The following ATXN1 variants were observed in gnomAD, a reference collection of about 807,000 sequenced individuals.
The protein encoded by ATXN1 is ataxin 1, also known as ataxin-1.
In ATXN1, 8 loss-of-function variants were observed where a neutral mutation model predicts 56.4. That is an observed-to-expected ratio of 0.14 (90% confidence interval 0.08 to 0.26). ATXN1 has a LOEUF of 0.26. Ranked by LOEUF, ATXN1 falls within the 10% of genes least tolerant of loss-of-function variation. ATXN1 has a pLI of 1.00. For synonymous variants in ATXN1, 514 were observed against 494.6 expected (o/e 1.04, Z -0.52); for missense variants, 987 against 1,106.5 (o/e 0.89, Z 1.53).
At chr6:16,741,876 G>C (rs1760351460) in intron 2 of ATXN1, among the ~76,000 whole-genome samples, 1 of 152,208 alleles carries the variant, frequency 6.6e-6, no homozygotes, top group South Asian at 2.1e-4. Context: ...TGTTTACACA[G>C]ATTGTTAAAA....
At chr6:16,421,509 T>C (rs1281794249) in intron 6 of ATXN1, among the ~76,000 whole-genome samples, 1 of 152,176 alleles carries the variant, frequency 6.6e-6, no homozygotes, top group Non-Finnish European at 1.5e-5. Context: ...TGCTTTCCTG[T>C]TCCTCTGAAT....
chr6:16,641,119 GA>G (rs1323666721), intron 3 of ATXN1, among the ~76,000 whole-genome samples: 1 of 152,180 alleles, frequency 6.6e-6, no homozygotes, highest in Non-Finnish European at 1.5e-5. Context: ...ACTTGGAGAA[GA>G]AAAGTTTGAA....
At chr6:16,464,850 T>C (rs530755035) in intron 6 of ATXN1, among the ~76,000 whole-genome samples, 5 of 151,962 alleles carry the variant, frequency 3.3e-5, no homozygotes, top group African/African-American at 1.2e-4. Flanking sequence ...AAACACAGAA[T>C]GTACAACAGG....
chr6:16,621,110 T>G (rs1434111856), intron 3 of ATXN1, among the ~76,000 whole-genome samples: 1 of 152,160 alleles, frequency 6.6e-6, no homozygotes, highest in Admixed American at 6.5e-5. Context: ...AAGAGACAAA[T>G]GAGCGCAGAT....
At chr6:16,353,652 C>G (rs574347942) in intron 6 of ATXN1, among the ~76,000 whole-genome samples, 1 of 152,068 alleles carries the variant, frequency 6.6e-6, no homozygotes, top group African/African-American at 2.4e-5. Flanking sequence ...CCAGCCTGGA[C>G]GACAGAGCAA....
chr6:16,654,724 G>A (rs1362875404), intron 3 of ATXN1, among the ~76,000 whole-genome samples: 1 of 151,988 alleles, frequency 6.6e-6, no homozygotes, highest in African/African-American at 2.4e-5. Context: ...AAGTGGCCAT[G>A]GCATACAGCA....
chr6:16,657,190 C>T (rs563309398), intron 3 of ATXN1, among the ~76,000 whole-genome samples: 20 of 151,946 alleles, frequency 1.3e-4, no homozygotes, highest in African/African-American at 1.7e-4. Context: ...GGTTTCACCG[C>T]GTTAGCCAGG....
At chr6:16,455,958 T>C (rs1212715788) in intron 6 of ATXN1, among the ~76,000 whole-genome samples, 1 of 151,950 alleles carries the variant, frequency 6.6e-6, no homozygotes, top group African/African-American at 2.4e-5. Context: ...AAGTAGCCAA[T>C]CGCAGGGAGG....
chr6:16,640,480 A>G (rs926084691), intron 3 of ATXN1, among the ~76,000 whole-genome samples: 1 of 152,124 alleles, frequency 6.6e-6, no homozygotes, highest in Non-Finnish European at 1.5e-5. Context: ...TCAGGAGATC[A>G]AGACCATCCT....
chr6:16,432,224 CA>C (rs1759299283), intron 6 of ATXN1, among the ~76,000 whole-genome samples: 1 of 152,160 alleles, frequency 6.6e-6, no homozygotes, highest in Non-Finnish European at 1.5e-5. Flanking sequence ...CATGGAAAAT[CA>C]CAATGTTACA....
intron 4 of ATXN1, among the ~76,000 whole-genome samples, chr6:16,564,330 C>A (rs1762175446): frequency 6.6e-6 from 1 of 151,748 alleles, no homozygotes; most frequent in Admixed American, 6.6e-5. Context: ...AAATCACTTA[C>A]AATCTTAATT....
At chr6:16,715,522 A>G (rs904488477) in intron 2 of ATXN1, among the ~76,000 whole-genome samples, 20 of 152,218 alleles carry the variant, frequency 1.3e-4, no homozygotes, top group Non-Finnish European at 2.4e-4. Flanking sequence ...ATATCTGTTG[A>G]TCAAGAAGAT....
Position 16,410,170 on chromosome 6 carries a change from C to T in ATXN1, c.-161+75802G>A, listed in dbSNP as rs777474980. Among the ~76,000 whole-genome samples, 1 of 152,192 alleles carries T rather than the reference C, an allele frequency of 6.6e-6. No individual in the cohort carries two copies. Among genetic ancestry groups the T allele is most frequent in the Non-Finnish European group, 1.5e-5 (1 of 68,032 alleles). ...CTCGGCCTCTTGCTTACTATGACGCCGTGTGAATCACAGCATCTAGCGGCC... is the reference window on the plus strand; with the variant it reads ...CTCGGCCTCTTGCTTACTATGACGCTGTGTGAATCACAGCATCTAGCGGCC... On this transcript the variant is annotated intron_variant, in intron 6 of 7. Coordinates refer to ENST00000436367, the MANE Select transcript of ATXN1 (RefSeq NM_001128164.2). The surrounding 1 kb of genome is among the most constrained non-coding windows in gnomAD (Gnocchi z 4.6).
intron 4 of ATXN1, among the ~76,000 whole-genome samples, chr6:16,573,183 T>C (rs1257489978): frequency 6.6e-6 from 1 of 152,188 alleles, no homozygotes; most frequent in Non-Finnish European, 1.5e-5. Context: ...GCAGATGCTG[T>C]GTTGACATTC....
intron 4 of ATXN1, among the ~76,000 whole-genome samples, chr6:16,536,222 T>C (rs951052138): frequency 1.3e-5 from 2 of 151,408 alleles, no homozygotes; most frequent in African/African-American, 4.9e-5. Flanking sequence ...GTCTCAACAA[T>C]AATAATAATA....
chr6:16,429,047 G>A (rs1759220813), intron 6 of ATXN1, among the ~76,000 whole-genome samples: 1 of 151,648 alleles, frequency 6.6e-6, no homozygotes, highest in African/African-American at 2.4e-5. Flanking sequence ...TGGGGGCGGC[G>A]AGGGTAGGGG....
chr6:16,347,069 C>T (rs546969706), intron 6 of ATXN1, among the ~76,000 whole-genome samples: 48 of 152,374 alleles, frequency 3.2e-4, no homozygotes, highest in African/African-American at 1.1e-3. Context: ...CCTTAGCTGC[C>T]TTCTGGCGGG....
rs201683085 is a variant in ATXN1, at chr6:16,327,705, C to A, written c.606G>T (p.Gln202His). 152 of 1,601,158 alleles carry A rather than the reference C, an allele frequency of 9.5e-5. No homozygotes were observed. The highest frequency in any genetic ancestry group is 3.1e-4 in the African/African-American group (23 of 74,250). ...GCTGATGCTGCTGCTGCTGCTGCTG[C>A]TGCTGCTGCTGCTGCTGCTCAGCCT... is the stretch of plus-strand genomic sequence containing the variant. ...GHKAEQQQQQQQQQQQQHQHQ... is the reference protein window; with the variant it reads ...GHKAEQQQQQHQQQQQQHQHQ... Residue 202 changes from glutamine (Q) to histidine (H), a missense_variant, in exon 7 of 8, where the codon CAG becomes CAT. Transcript: ENST00000436367.
intron 3 of ATXN1, among the ~76,000 whole-genome samples, chr6:16,593,116 C>G (rs557046132): frequency 3.3e-5 from 5 of 152,124 alleles, no homozygotes; most frequent in African/African-American, 4.8e-5. Context: ...CTCTTGCTAG[C>G]TACAGAGCAC....
Sources: allele counts gnomAD v4.1 joint callset (sites outside exome capture counted in the v4.1 genomes callset), GRCh38; gene constraint gnomAD v4.1.1; non-coding constraint Gnocchi (gnomAD v3.1); transcripts MANE v1.5; gene names NCBI Gene and HGNC (gene_info 2026-07-23, HGNC 2026-07-21).